The following RGS6 variants were observed in gnomAD, a reference collection of about 807,000 sequenced individuals.
RGS6 encodes the protein regulator of G protein signaling 6.
A neutral mutation model predicts 78.5 loss-of-function variants in RGS6; 30 were observed. That is an observed-to-expected ratio of 0.38 (90% CI 0.29 to 0.52). The LOEUF (loss-of-function observed/expected upper bound fraction) is 0.52, where lower values mean the gene tolerates loss of function less well. Among genes scored for constraint, RGS6 ranks in the 20% least tolerant of loss-of-function variants. The pLI is 0.85. For synonymous variants in RGS6, 206 were observed against 206.0 expected (o/e 1.00, Z 0.00); for missense variants, 495 against 609.7 (o/e 0.81, Z 1.98).
At chr14:72,001,424 G>A (rs1430898693) in intron 2 of RGS6, among the ~76,000 whole-genome samples, 1 of 149,638 alleles carries the variant, frequency 6.7e-6, no homozygotes, top group East Asian at 2.0e-4. Context: ...AATCCCAAAA[G>A]GAACTGAGTA....
intron 2 of RGS6, among the ~76,000 whole-genome samples, chr14:72,235,332 G>A (rs1031378256): frequency 2.0e-5 from 3 of 152,190 alleles, no homozygotes; most frequent in Admixed American, 1.3e-4. Context: ...GGCATGTTCT[G>A]GGGGTCCTTG....
intron 2 of RGS6, among the ~76,000 whole-genome samples, chr14:72,188,748 T>C (rs11848307): frequency 0.01 from 1,560 of 152,304 alleles, 32 homozygotes; most frequent in African/African-American, 0.035. Flanking sequence ...AAAAACTTTG[T>C]TCCTGGGCTC....
chr14:72,144,522 T>C (rs1488823868), intron 2 of RGS6, among the ~76,000 whole-genome samples: 2 of 152,236 alleles, frequency 1.3e-5, no homozygotes, highest in Non-Finnish European at 2.9e-5. Context: ...AAGAGCCCTT[T>C]TGAATGATTT....
chr14:72,114,063 T>C (rs1170669160), intron 2 of RGS6, among the ~76,000 whole-genome samples: 1 of 152,136 alleles, frequency 6.6e-6, no homozygotes, highest in Non-Finnish European at 1.5e-5. Context: ...GATAATCAGG[T>C]CTGAGGACTG....
At chr14:71,917,366 G>A in the RGS6 span, among the ~76,000 whole-genome samples, 3 of 147,694 alleles carry the variant, frequency 2.0e-5, no homozygotes, top group African/African-American at 8.0e-5. Flanking sequence ...ACCCTTTTCT[G>A]CTGCTGCTGC....
At chr14:72,501,786 TC>T (rs1214216051) in intron 13 of RGS6, among the ~76,000 whole-genome samples, 1 of 152,234 alleles carries the variant, frequency 6.6e-6, no homozygotes, top group Non-Finnish European at 1.5e-5. Context: ...GCTCTCCCTC[TC>T]TGCTGGGTAT....
chr14:72,212,471 T>C (rs996296790), intron 2 of RGS6, among the ~76,000 whole-genome samples: 1 of 152,176 alleles, frequency 6.6e-6, no homozygotes, highest in Non-Finnish European at 1.5e-5. Flanking sequence ...TTTTTGTCCA[T>C]GGGAGCTGTG....
intron 3 of RGS6, among the ~76,000 whole-genome samples, chr14:72,441,647 A>C (rs1597562048): frequency 6.6e-6 from 1 of 152,200 alleles, no homozygotes; most frequent in African/African-American, 2.4e-5. Flanking sequence ...TTTTGTGGTC[A>C]TCACTCCTTC....
chr14:72,341,804 C>A (rs2077057489), intron 2 of RGS6, among the ~76,000 whole-genome samples: 1 of 152,124 alleles, frequency 6.6e-6, no homozygotes, highest in Non-Finnish European at 1.5e-5. Flanking sequence ...GTTGCTAGTT[C>A]AGTTGTTTGG....
At chr14:72,018,208 TA>T (rs779787870) in intron 2 of RGS6, among the ~76,000 whole-genome samples, 5 of 114,888 alleles carry the variant, frequency 4.4e-5, no homozygotes, top group African/African-American at 1.3e-4. Flanking sequence ...GTTTTGTTAT[TA>T]AAAAAAATCA....
chr14:72,321,151 T>C (rs978786193), intron 2 of RGS6, among the ~76,000 whole-genome samples: 1 of 151,874 alleles, frequency 6.6e-6, no homozygotes, highest in Non-Finnish European at 1.5e-5. Context: ...AAGTAAAATG[T>C]CAGTGTTTCA....
chr14:71,926,763 T>C, the RGS6 span, among the ~76,000 whole-genome samples: 3 of 152,196 alleles, frequency 2.0e-5, no homozygotes, highest in African/African-American at 7.2e-5. Flanking sequence ...CAGGGTGTTA[T>C]GCATTCAATT....
chr14:72,438,236 C>G (rs190511488), intron 3 of RGS6, among the ~76,000 whole-genome samples: 13 of 152,260 alleles, frequency 8.5e-5, no homozygotes, highest in African/African-American at 3.1e-4. Context: ...AACAGACATG[C>G]CAGGGGTCCC....
At chr14:71,894,434 C>G in the RGS6 span, among the ~76,000 whole-genome samples, 1 of 152,152 alleles carries the variant, frequency 6.6e-6, no homozygotes, top group African/African-American at 2.4e-5. Context: ...GAGCACATGT[C>G]CCCATATATA....
the RGS6 span, among the ~76,000 whole-genome samples, chr14:71,925,718 A>ATATTATATTATATTATATTATAT: frequency 0.02 from 3,016 of 147,874 alleles, 105 homozygotes; most frequent in African/African-American, 0.068. Context: ...ACTTCATATT[A>ATATTATATTATATTATATTATAT]TATTATATTA....
the RGS6 span, chr14:72,619,949 G>T: frequency 5.9e-6 from 9 of 1,535,460 alleles, no homozygotes; most frequent in South Asian, 9.5e-5. Context: ...ACATGTGATA[G>T]CCTCGGTCAC....
chr14:72,043,103 A>G (rs898181677), intron 2 of RGS6, among the ~76,000 whole-genome samples: 3 of 152,112 alleles, frequency 2.0e-5, no homozygotes, highest in African/African-American at 7.2e-5. Context: ...GATATTGGAA[A>G]TGTCCCTTTC....
At chr14:72,242,599 C>T (rs950536513) in intron 2 of RGS6, among the ~76,000 whole-genome samples, 3 of 152,076 alleles carry the variant, frequency 2.0e-5, no homozygotes, top group South Asian at 2.1e-4. Context: ...CCGTTTTTGA[C>T]AGGTAAATTA....
At chr14:72,277,155 G>A (rs540575224) in intron 2 of RGS6, among the ~76,000 whole-genome samples, 18 of 152,336 alleles carry the variant, frequency 1.2e-4, no homozygotes, top group African/African-American at 4.3e-4. Flanking sequence ...AGGTTTGTGA[G>A]CAGTGCTGGA....
Sources: allele counts gnomAD v4.1 joint callset (sites outside exome capture counted in the v4.1 genomes callset), GRCh38; gene constraint gnomAD v4.1.1; transcripts MANE v1.5; gene names NCBI Gene and HGNC (gene_info 2026-07-23, HGNC 2026-07-21).